MMP20: variants seen among roughly 807,000 people sequenced by gnomAD.
MMP20 encodes matrix metallopeptidase 20.
Under a neutral mutation model 51.8 loss-of-function variants are expected in MMP20, and 50 were observed. That is an observed-to-expected ratio of 0.97 (90% CI 0.77 to 1.22). The LOEUF is 1.22. Among genes scored for constraint, MMP20 ranks in the 50% most tolerant of loss-of-function variants. The probability of loss-of-function intolerance (pLI) is 0.00; values close to 1 mark genes in which losing one functional copy is unlikely to be tolerated. For synonymous variants in MMP20, 244 were observed against 216.2 expected, an observed-to-expected ratio of 1.13 and a Z score of -1.13; for missense variants, 663 against 601.4, an observed-to-expected ratio of 1.10 and a Z score of -1.07.
At chr11:102,615,190 ATAT>A (rs1019690189) in intron 2 of MMP20, among the ~76,000 whole-genome samples, 1 of 144,520 alleles carries the variant, frequency 6.9e-6, no homozygotes, top group Non-Finnish European at 1.5e-5. Context: ...TTTTAATAAT[ATAT>A]TATTAATAAA....
At chr11:102,598,231 A>G (rs1306264359) in intron 6 of MMP20, among the ~76,000 whole-genome samples, 1 of 152,276 alleles carries the variant, frequency 6.6e-6, no homozygotes, top group African/African-American at 2.4e-5. Flanking sequence ...AAAAACAATG[A>G]TAGCAAGTAA....
At chr11:102,587,452 A>G (rs908796101) in intron 8 of MMP20, among the ~76,000 whole-genome samples, 3 of 152,164 alleles carry the variant, frequency 2.0e-5, no homozygotes, top group Non-Finnish European at 2.9e-5. Context: ...TTCTATAGAT[A>G]TATGTTAGGT....
chr11:102,623,526 C>A (rs917132660), intron 1 of MMP20, among the ~76,000 whole-genome samples: 4 of 152,206 alleles, frequency 2.6e-5, no homozygotes, highest in African/African-American at 7.2e-5. Flanking sequence ...CCTCCAGCCT[C>A]CTACTTCCCA....
intron 1 of MMP20, among the ~76,000 whole-genome samples, chr11:102,617,607 G>C (rs1370204808): frequency 6.6e-6 from 1 of 152,060 alleles, no homozygotes; most frequent in African/African-American, 2.4e-5. Context: ...TTTTTCAGCT[G>C]AGGATTTTAA....
chr11:102,577,811 G>C (rs1400721197), intron 9 of MMP20, among the ~76,000 whole-genome samples: 1 of 152,162 alleles, frequency 6.6e-6, no homozygotes, highest in Non-Finnish European at 1.5e-5. Context: ...GACTGCTGCC[G>C]ATTCTGATAT....
Position 102,625,283 on chromosome 11 carries a change from G to C in MMP20, c.37C>G (p.Leu13Val), listed in dbSNP as rs1172462412. Residue 13 changes from leucine to valine, a missense_variant, in exon 1 of 10, where the codon CTC (leucine) becomes GTC (valine). By Grantham distance (32) the Leu-to-Val change is conservative. Transcript: ENST00000260228. ...VLPASGLAVF[L>V]IMALKFSTAA... ...GTGGAAAACTTCAAAGCCATGATGA[G>C]GAAGACAGCAAGGCCAGATGCAGGG... 1 of 1,613,602 alleles carries C rather than the reference G, an allele frequency of 6.2e-7. No homozygotes were observed. Among genetic ancestry groups the C allele is most frequent in the South Asian group, 1.1e-5 (1 of 91,064 alleles).
rs147459787 is a variant in MMP20, at chr11:102,609,024, C to G, written c.724G>C (p.Ala242Pro). 6.2e-7 allele frequency: 1 copy of G among 1,613,998 alleles called. No homozygotes were observed. Among genetic ancestry groups the G allele is most frequent in the Middle Eastern group, 1.7e-4 (1 of 6,060 alleles). The change falls in exon 5 of 10, where the codon GCA becomes CCA. Residue 242 changes from alanine to proline, a missense_variant. Transcript: ENST00000260228. ...LGLAHSTDPS[A>P]LMYPTYKYKN... ...TACTTATAAGTTGGGTACATCAGTGCTGATGGGTCTGTGGAATGGGCCAGG... is the reference window on the plus strand; with the variant it reads ...TACTTATAAGTTGGGTACATCAGTGGTGATGGGTCTGTGGAATGGGCCAGG...
intron 1 of MMP20, among the ~76,000 whole-genome samples, chr11:102,623,736 T>C (rs1859780497): frequency 1.3e-5 from 2 of 152,190 alleles, no homozygotes; most frequent in African/African-American, 4.8e-5. Flanking sequence ...CAACTGTAGT[T>C]TTCCTGAACT....
At chr11:102,585,744 G>T (rs942537454) in intron 8 of MMP20, among the ~76,000 whole-genome samples, 15 of 152,130 alleles carry the variant, frequency 9.9e-5, no homozygotes, top group African/African-American at 3.6e-4. Flanking sequence ...GGTTTTCATA[G>T]ACGCTCTTTA....
chr11:102,611,077 A>T (rs1213054508), intron 3 of MMP20, among the ~76,000 whole-genome samples: 1 of 152,212 alleles, frequency 6.6e-6, no homozygotes, highest in Non-Finnish European at 1.5e-5. Flanking sequence ...TAAAGGCTTT[A>T]TTCTCAGGAC....
At chr11:102,581,207 C>T (rs1859191966) in intron 8 of MMP20, among the ~76,000 whole-genome samples, 1 of 151,924 alleles carries the variant, frequency 6.6e-6, no homozygotes, top group African/African-American at 2.4e-5. Context: ...ACACCTGGCA[C>T]ATGTAGCACC....
In MMP20 at chr11:102,617,042, A is replaced by G. The variant is rs773818087; in HGVS notation, c.144T>C (p.Tyr48=). The change falls in exon 2 of 10, where the codon TAT becomes TAC. Residue 48 remains tyrosine, a synonymous_variant. Coordinates refer to ENST00000260228, the MANE Select transcript of MMP20 (RefSeq NM_004771.4). ...TCTGGTGTCCTTCTTTATTTGTGTA[A>G]TATTTGTCAAGATACGCCTGAAATG... ...YRLAQAYLDK[Y]YTNKEGHQIG... The G allele has an allele frequency of 3.1e-6, 5 of 1,614,010 alleles. No individual in the cohort carries two copies. The African/African-American group carries it at 4.0e-5, about 13-fold the overall frequency.
At chr11:102,618,228 ATTGT>A (rs1427513789) in intron 1 of MMP20, among the ~76,000 whole-genome samples, 4 of 152,026 alleles carry the variant, frequency 2.6e-5, no homozygotes, top group African/African-American at 7.2e-5. Context: ...TCAATCCACA[ATTGT>A]TTGATTCCAT....
chr11:102,590,786 T>G (rs748423658), intron 8 of MMP20, among the ~76,000 whole-genome samples: 28 of 152,192 alleles, frequency 1.8e-4, no homozygotes, highest in Non-Finnish European at 1.2e-4. Flanking sequence ...CTACAAAACT[T>G]CATTTATCTC....
In MMP20 at chr11:102,579,112, T is replaced by G; in HGVS notation, c.1278A>C (p.Lys426Asn). 2 of 1,612,600 alleles carry G rather than the reference T, an allele frequency of 1.2e-6. No homozygotes were observed. Among genetic ancestry groups the G allele is most frequent in the African/African-American group, 1.3e-5 (1 of 75,036 alleles). ...CTTCTTCAGTATTCTTTGGATAGTC[T>G]TTTTCCATTTTCCTTTTCCTTTCGT... ...SYDERKRKMEKDYPKNTEEEF... is the reference protein window; with the variant it reads ...SYDERKRKMENDYPKNTEEEF... Residue 426 changes from lysine to asparagine, a missense_variant, in exon 9 of 10, where the codon AAA becomes AAC. Physicochemically the swap from Lys to Asn is moderately conservative, Grantham distance 94 (BLOSUM62 0). Transcript: ENST00000260228.
At chr11:102,593,949 T>A (rs944623162) in intron 7 of MMP20, among the ~76,000 whole-genome samples, 2 of 152,234 alleles carry the variant, frequency 1.3e-5, no homozygotes, top group Non-Finnish European at 2.9e-5. Context: ...GATTTTTACT[T>A]AAATTGGCAC....
intron 2 of MMP20, among the ~76,000 whole-genome samples, chr11:102,616,488 A>G (rs895305954): frequency 6.6e-6 from 1 of 152,184 alleles, no homozygotes; most frequent in Non-Finnish European, 1.5e-5. Flanking sequence ...TTTCTTTCTC[A>G]TTAAGCAGGT....
chr11:102,624,391 C>T (rs1377728831), intron 1 of MMP20, among the ~76,000 whole-genome samples: 7 of 110,332 alleles, frequency 6.3e-5, no homozygotes, highest in African/African-American at 1.3e-4. Context: ...AAACAAAACA[C>T]GCTTGGAAGC....
intron 5 of MMP20, chr11:102,607,142 T>G: frequency 5.5e-6 from 1 of 183,022 alleles, no homozygotes; most frequent in Non-Finnish European, 1.2e-5. Flanking sequence ...TCTTGTGTGT[T>G]TTCCTATTAT....
Sources: allele counts gnomAD v4.1 joint callset (sites outside exome capture counted in the v4.1 genomes callset), GRCh38; gene constraint gnomAD v4.1.1; transcripts MANE v1.5; gene names NCBI Gene and HGNC (gene_info 2026-07-23, HGNC 2026-07-21).